Variants in LSS observed in about 807,000 individuals in gnomAD.
LSS encodes the protein 2,3-epoxysqualene-lanosterol cyclase.
LSS carries 90 observed loss-of-function variants against 110.3 expected under a neutral mutation model. That is an observed-to-expected ratio of 0.82 (90% CI 0.69 to 0.97). The LOEUF (loss-of-function observed/expected upper bound fraction) is 0.97. LSS is among the 50% of genes least tolerant of loss of function. The pLI, the probability that LSS is intolerant of heterozygous loss-of-function variation, is 0.00. For synonymous variants in LSS, 433 were observed against 400.0 expected, an observed-to-expected ratio of 1.08 and a Z score of -0.98; for missense variants, 927 against 990.0, an observed-to-expected ratio of 0.94 and a Z score of 0.85.
chr21:46,201,801 CT>C (rs35255202), intron 17 of LSS, among the ~76,000 whole-genome samples: 12,630 of 144,840 alleles, frequency 0.087, 622 homozygotes, highest in African/African-American at 0.13. Context: ...AGTTTAAAAT[CT>C]TTTTTTTTTT....
intron 19 of LSS, among the ~76,000 whole-genome samples, chr21:46,194,909 C>G (rs192835233): frequency 7.2e-5 from 11 of 152,270 alleles, no homozygotes; most frequent in Non-Finnish European, 1.5e-4. Context: ...GATGGCCTCA[C>G]GGACGCGTCA....
At chr21:46,213,894 C>A in intron 9 of LSS, 59 bp from the exon 10 acceptor site, 1 of 1,257,284 alleles carries the variant, frequency 8.0e-7, no homozygotes, top group Non-Finnish European at 1.2e-6. Context: ...CCTCCAGGGA[C>A]AAGGTCTCGT....
intron 15 of LSS, 41 bp from the exon 16 acceptor site, chr21:46,206,809 G>C: frequency 6.7e-7 from 1 of 1,498,098 alleles, no homozygotes. Context: ...CCCATGTGCT[G>C]AGCACACACA....
chr21:46,208,936 C>T (rs574509795), intron 13 of LSS, among the ~76,000 whole-genome samples: 29 of 152,242 alleles, frequency 1.9e-4, no homozygotes, highest in African/African-American at 5.3e-4. Context: ...GGGAGGGAGA[C>T]GGGGCTGGGG....
At chr21:46,211,331 A>T (rs2009213) in intron 11 of LSS, among the ~76,000 whole-genome samples, 1 of 151,950 alleles carries the variant, frequency 6.6e-6, no homozygotes, top group Non-Finnish European at 1.5e-5. Flanking sequence ...GGGTTTCACC[A>T]TGTTAGCCAG....
In LSS at chr21:46,228,397, G is replaced by A. The variant is rs542690768; in HGVS notation, c.180+37C>T. On this transcript the variant is annotated intron_variant, in intron 2 of 21. Transcript: ENST00000397728. ...TGCTCCTCACGGCTCACCCCTCAGG[G>A]TCCCGAGCTCGCTGACGCTCCGCGG... is the stretch of plus-strand genomic sequence containing the variant. 9 of 1,596,234 alleles carry A rather than the reference G, an allele frequency of 5.6e-6. No homozygotes were observed. In the Admixed American group the frequency reaches 1.0e-4, roughly 18 times the overall value.
intron 10 of LSS, 103 bp downstream of exon 10, chr21:46,213,635 G>T: frequency 2.4e-6 from 2 of 844,978 alleles, no homozygotes; most frequent in Non-Finnish European, 2.0e-6. Context: ...TTCCCTGGCA[G>T]TATTCCCAGA....
In LSS at chr21:46,191,882, T is replaced by G. The variant is rs768419122; in HGVS notation, c.2066A>C (p.Gln689Pro). The change falls in exon 21 of 22, where the codon CAG (glutamine) becomes CCG (proline). Residue 689 changes from glutamine (Q) to proline (P), a missense_variant and splice_region_variant. Gln to Pro is a moderately conservative substitution (Grantham distance 76). Coordinates refer to ENST00000397728, the MANE Select transcript of LSS (RefSeq NM_002340.6). Reference protein sequence around the residue: ...EKQLPNGDWPQENIAGVFNKS... With the variant: ...EKQLPNGDWPPENIAGVFNKS... ...GCGCTCAGGTCCCTGGCGGCATACC[T>G]GCGGCCAGTCGCCATTGGGGAGCTG... 5.0e-6 allele frequency: 8 copies of G among 1,612,710 alleles called. No homozygotes were observed. Among genetic ancestry groups the G allele is most frequent in the Middle Eastern group, 1.7e-4 (1 of 6,060 alleles).
chr21:46,220,237 C>G (rs184805720), intron 5 of LSS: 1 of 152,376 alleles, frequency 6.6e-6, no homozygotes, highest in Non-Finnish European at 1.5e-5. Flanking sequence ...AGCCTAAACA[C>G]GTTCCTTCAC....
In LSS at chr21:46,209,610, T is replaced by C. The variant is rs2080101838; in HGVS notation, c.1210A>G (p.Arg404Gly). The C allele has an allele frequency of 6.3e-7, 1 of 1,594,444 alleles. No individual in the cohort carries two copies. Among genetic ancestry groups the C allele is most frequent in the Non-Finnish European group, 8.5e-7 (1 of 1,171,898 alleles). The change falls in exon 13 of 22, where the codon AGG becomes GGG. Residue 404 changes from arginine to glycine, a missense_variant. Coordinates refer to ENST00000397728, the MANE Select transcript of LSS (RefSeq NM_002340.6). This position sits in a 1 kb window ranked among gnomAD's most constrained non-coding sequence, Gnocchi z 4.4. The stretch of plus-strand genomic sequence containing the variant: ...TGCAGGCAGGACGAAAACTCGGGCC[T>C]GTGGTGCCCGCCCGCCTGGAAGAGA... ...QALLEAGGHH[R>G]PEFSSCLQKA...
chr21:46,194,852 T>TGG (rs1396471953), intron 19 of LSS, among the ~76,000 whole-genome samples, 191 bp from the exon 20 acceptor site: 2 of 152,252 alleles, frequency 1.3e-5, no homozygotes, highest in African/African-American at 4.8e-5. Context: ...CAGATACTCC[T>TGG]GCCTCCCAGA....
chr21:46,219,365 G>A, intron 6 of LSS, 111 bp downstream of exon 6: 2 of 634,442 alleles, frequency 3.2e-6, no homozygotes, highest in Non-Finnish European at 5.1e-6. Context: ...CCCACCCACA[G>A]AATGCCCACC....
chr21:46,228,388 C>G (rs2080383273), intron 2 of LSS, 46 bp downstream of exon 2: 7 of 1,592,020 alleles, frequency 4.4e-6, no homozygotes, highest in South Asian at 2.2e-5. Context: ...TCACGGCTCA[C>G]CCCTCAGGGT....
At chr21:46,219,711 C>T (rs572747997) in intron 5 of LSS, 139 bp from the exon 6 acceptor site, 80 of 509,226 alleles carry the variant, frequency 1.6e-4, no homozygotes, top group East Asian at 9.0e-4. Flanking sequence ...GTGGATCTTG[C>T]GACCCCCATG....
chr21:46,196,327 T>G, intron 17 of LSS, 60 bp from the exon 18 acceptor site: 1 of 1,318,918 alleles, frequency 7.6e-7, no homozygotes, highest in South Asian at 1.2e-5. Flanking sequence ...CCTATCCCAA[T>G]TCCATCCTTT....
Position 46,206,758 on chromosome 21 carries a change from ATGTTCAGCAGCTGAAAT to A in LSS, c.1468-7_1477del. On this transcript the variant is annotated splice_acceptor_variant and splice_polypyrimidine_tract_variant and coding_sequence_variant and intron_variant, in exon 16 of 22. Coordinates refer to ENST00000397728, the MANE Select transcript of LSS (RefSeq NM_002340.6). LOFTEE classifies it high-confidence loss of function. ...GGCGAACCCTCCATCTGGATTTCTC[ATGTTCAGCAGCTGAAAT>A]CACAGAGAGCACCCTAGAACTCGCC... 6.2e-7 allele frequency: 1 copy of A among 1,610,006 alleles called. No homozygotes were observed. The highest frequency in any genetic ancestry group is 8.5e-7 in the Non-Finnish European group (1 of 1,178,366).
chr21:46,210,887 G>C, intron 11 of LSS, 143 bp from the exon 12 acceptor site: 1 of 732,896 alleles, frequency 1.4e-6, no homozygotes, highest in Non-Finnish European at 2.3e-6. Flanking sequence ...TGAGCCCTGG[G>C]CACCCCTCAT....
intron 17 of LSS, among the ~76,000 whole-genome samples, chr21:46,200,683 T>C (rs920919054): frequency 2.6e-5 from 4 of 152,148 alleles, no homozygotes; most frequent in African/African-American, 4.8e-5. Flanking sequence ...GGTGTCAATG[T>C]GATAACTAAA....
intron 17 of LSS, among the ~76,000 whole-genome samples, chr21:46,198,827 T>A: frequency 7.9e-5 from 3 of 38,052 alleles, no homozygotes; most frequent in Non-Finnish European, 1.5e-4. Context: ...GACATCCACA[T>A]GCAAAAAAAA....
Sources: allele counts gnomAD v4.1 joint callset (sites outside exome capture counted in the v4.1 genomes callset), GRCh38; gene constraint gnomAD v4.1.1; non-coding constraint Gnocchi (gnomAD v3.1); transcripts MANE v1.5; gene names NCBI Gene and HGNC (gene_info 2026-07-23, HGNC 2026-07-21).